The following MTMR3 variants were observed in gnomAD, a reference collection of about 807,000 sequenced individuals.
MTMR3 encodes phosphatidylinositol-3,5-bisphosphate 3-phosphatase MTMR3.
A neutral mutation model predicts 132.4 loss-of-function variants in MTMR3; 32 were observed. That is an observed-to-expected ratio of 0.24 (90% CI 0.18 to 0.32). The LOEUF (loss-of-function observed/expected upper bound fraction) is 0.32, where lower values mean the gene tolerates loss of function less well. MTMR3 is among the 10% of genes least tolerant of loss of function. The pLI, the probability that MTMR3 is intolerant of heterozygous loss-of-function variation, is 1.00. For missense variants in MTMR3, 1,216 were observed against 1,489.6 expected (o/e 0.82, Z 3.02); for synonymous variants, 556 against 550.3 (o/e 1.01, Z -0.14).
At chr22:29,908,772 T>G (rs2065149445) in intron 1 of MTMR3, among the ~76,000 whole-genome samples, 1 of 152,204 alleles carries the variant, frequency 6.6e-6, no homozygotes, top group Admixed American at 6.5e-5. Context: ...ACTTTCTATT[T>G]CTCAGTAAAA....
chr22:30,012,620 C>A, intron 13 of MTMR3, 57 bp downstream of exon 13: 1 of 1,491,238 alleles, frequency 6.7e-7, no homozygotes, highest in Non-Finnish European at 9.0e-7. Flanking sequence ...GGAAACGTCT[C>A]AGGAGTGATA....
At chr22:29,938,327 C>T (rs947914308) in intron 1 of MTMR3, among the ~76,000 whole-genome samples, 23 of 152,210 alleles carry the variant, frequency 1.5e-4, no homozygotes, top group African/African-American at 4.8e-4. Context: ...CCACACCCCC[C>T]TTTCTTGAGT....
intron 10 of MTMR3, 86 bp from the exon 11 acceptor site, chr22:30,007,815 C>G (rs1206288923): frequency 6.7e-7 from 1 of 1,482,972 alleles, no homozygotes; most frequent in East Asian, 2.3e-5. Context: ...CTTTTTTGTG[C>G]CATAAGATGT....
At chr22:29,978,632 T>G (rs997913) in intron 4 of MTMR3, 101 bp downstream of exon 4, 1 of 805,846 alleles carries the variant, frequency 1.2e-6, no homozygotes, top group East Asian at 2.8e-5. Flanking sequence ...TATATATATA[T>G]AACATACATG....
intron 16 of MTMR3, chr22:30,019,218 A>T: frequency 2.8e-6 from 1 of 354,976 alleles, no homozygotes; most frequent in East Asian, 4.8e-5. Flanking sequence ...AAAAAAAAAA[A>T]GAAAATAGCA....
chr22:30,000,477 A>G (rs539059200), intron 8 of MTMR3: 2 of 122,566 alleles, frequency 1.6e-5, no homozygotes, highest in Non-Finnish European at 3.2e-5. Context: ...TAAAAAAAAT[A>G]AAAAAAAAAA....
intron 1 of MTMR3, among the ~76,000 whole-genome samples, chr22:29,892,636 A>G (rs9625874): frequency 0.21 from 31,637 of 152,118 alleles, 3,836 homozygotes; most frequent in Middle Eastern, 0.38. Flanking sequence ...TTATGACATC[A>G]GGAAACAAGG....
At chr22:29,889,252 T>G (rs2064742671) in intron 1 of MTMR3, among the ~76,000 whole-genome samples, 1 of 151,390 alleles carries the variant, frequency 6.6e-6, no homozygotes, top group Admixed American at 6.6e-5. Context: ...AATTTCAAAA[T>G]GAAATTATTT....
chr22:29,939,533 G>C (rs1249474114), intron 1 of MTMR3, among the ~76,000 whole-genome samples: 4 of 152,168 alleles, frequency 2.6e-5, no homozygotes, highest in Admixed American at 6.5e-5. Context: ...CCATATGCTT[G>C]TTTTCCCAGT....
intron 5 of MTMR3, chr22:29,986,099 G>C (rs2066852059): frequency 6.6e-6 from 1 of 152,246 alleles, no homozygotes; most frequent in African/African-American, 2.4e-5. Flanking sequence ...GCCTCTTCTT[G>C]TGGATTTGTA....
At chr22:29,921,112 T>C (rs1784877458) in intron 1 of MTMR3, among the ~76,000 whole-genome samples, 1 of 151,940 alleles carries the variant, frequency 6.6e-6, no homozygotes. Context: ...ATAAAGAAAA[T>C]AGTTTTATTT....
chr22:29,934,486 T>G (rs918193297), intron 1 of MTMR3, among the ~76,000 whole-genome samples: 15 of 152,372 alleles, frequency 9.8e-5, no homozygotes, highest in African/African-American at 2.4e-4. Context: ...ATTTTTCTTT[T>G]GTATGTGTAA....
chr22:29,947,028 T>A lies in MTMR3; in HGVS notation c.-137-10008T>A, dbSNP rs77681246. ...GTAAGGAAACTGTTGAAGATGTAAA[T>A]CATTAGAAAAGAAAAAGTGTAAGTT... On this transcript the variant is annotated intron_variant, in intron 1 of 19. Coordinates refer to ENST00000401950, the MANE Select transcript of MTMR3 (RefSeq NM_021090.4). Among the ~76,000 whole-genome samples the A allele has an allele frequency of 2.7e-3, 405 of 152,258 alleles. 3 individuals are homozygous for A. Among genetic ancestry groups the A allele is most frequent in the African/African-American group, 9.4e-3 (391 of 41,566 alleles).
At chr22:29,973,513 T>C (rs905885484) in intron 3 of MTMR3, among the ~76,000 whole-genome samples, 1 of 152,256 alleles carries the variant, frequency 6.6e-6, no homozygotes, top group African/African-American at 2.4e-5. Flanking sequence ...CTGATAATTA[T>C]TTTCACTTCT....
intron 17 of MTMR3, 23 bp downstream of exon 17, chr22:30,020,907 C>G: frequency 6.5e-7 from 1 of 1,546,096 alleles, no homozygotes; most frequent in Non-Finnish European, 8.7e-7. Context: ...TGGTATTCCT[C>G]CATAGCTGCC....
chr22:29,986,394 A>T (rs2066858422), intron 5 of MTMR3: 1 of 189,866 alleles, frequency 5.3e-6, no homozygotes. Flanking sequence ...GTTACAGGCT[A>T]CCCAGAGAAC....
chr22:29,900,830 C>T lies in MTMR3; in HGVS notation c.-138+17471C>T, dbSNP rs571128319. Among the ~76,000 whole-genome samples the T allele has an allele frequency of 4.6e-5, 7 of 152,272 alleles. No homozygotes were observed. In the East Asian group the frequency reaches 1.2e-3, roughly 25 times the overall value. On this transcript the variant is annotated intron_variant, in intron 1 of 19. Coordinates refer to ENST00000401950, the MANE Select transcript of MTMR3 (RefSeq NM_021090.4). ...CAAGGCTCAAGTCATACTCCTGCCT[C>T]ATCCCCCTAAGTAGCTGGGACTACA...
At chr22:29,894,503 C>T (rs1470425572) in intron 1 of MTMR3, among the ~76,000 whole-genome samples, 4 of 147,176 alleles carry the variant, frequency 2.7e-5, no homozygotes, top group African/African-American at 1.0e-4. Context: ...GTTCTGTATC[C>T]GTGTGTGTGT....
In MTMR3 at chr22:29,978,172, G is replaced by GA. The variant is rs1445356394; in HGVS notation, c.4-262dup. On this transcript the variant is annotated intron_variant, in intron 3 of 19. Coordinates refer to ENST00000401950, the MANE Select transcript of MTMR3 (RefSeq NM_021090.4). ...ATAGTGAGATTCTGTCTCAAAAAAA[G>GA]AAAAAAAAGTATTAAGAAGCTGTTA... 3.0e-4 allele frequency: 74 copies of GA among 247,858 alleles called. No individual in the cohort carries two copies. The South Asian group carries it at 3.1e-3, about 10-fold the overall frequency. 15.4% of individuals were successfully genotyped at this position (247,858 alleles called of 1,614,324 possible).
Sources: allele counts gnomAD v4.1 joint callset (sites outside exome capture counted in the v4.1 genomes callset), GRCh38; gene constraint gnomAD v4.1.1; transcripts MANE v1.5; gene names NCBI Gene and HGNC (gene_info 2026-07-23, HGNC 2026-07-21).